The following ZNF521 variants were observed in gnomAD, a reference collection of about 807,000 sequenced individuals.
The protein encoded by ZNF521 is LYST-interacting protein 3.
In ZNF521, 14 loss-of-function variants were observed where a neutral mutation model predicts 105.5. The observed-to-expected ratio is 0.13, with a 90% CI of 0.09 to 0.21. ZNF521 has a LOEUF of 0.21. Ranked by LOEUF, ZNF521 falls within the 10% of genes least tolerant of loss-of-function variation. The probability of loss-of-function intolerance (pLI) is 1.00; values close to 1 mark genes in which losing one functional copy is unlikely to be tolerated. For missense variants in ZNF521, 1,233 were observed against 1,629.7 expected, an observed-to-expected ratio of 0.76 and a Z score of 4.19; for synonymous variants, 635 against 606.0, an observed-to-expected ratio of 1.05 and a Z score of -0.70.
chr18:25,099,348 C>T (rs952792839), intron 5 of ZNF521, among the ~76,000 whole-genome samples: 1 of 152,126 alleles, frequency 6.6e-6, no homozygotes, highest in Non-Finnish European at 1.5e-5. Flanking sequence ...TATAACATAG[C>T]GGACTGGCAA....
In ZNF521 at chr18:25,203,423, T is replaced by C. The variant is rs576814625; in HGVS notation, c.3574-8179A>G. Among the ~76,000 whole-genome samples the C allele has an allele frequency of 2.0e-5, 3 of 152,228 alleles. No individual in the cohort carries two copies. In the East Asian group the frequency reaches 5.8e-4, roughly 29 times the overall value. ...CTTGAATCCAGGAGTTCAAGACTAG[T>C]CTGGGCAAGGTAGCAAGACCCCATC... On this transcript the variant is annotated intron_variant, in intron 4 of 7. Transcript: ENST00000361524.
chr18:25,129,231 C>G (rs971036078), intron 5 of ZNF521, among the ~76,000 whole-genome samples: 1 of 143,392 alleles, frequency 7.0e-6, no homozygotes, highest in South Asian at 2.2e-4. Flanking sequence ...GATGCTAGAA[C>G]TAGACTTTCA....
intron 3 of ZNF521, among the ~76,000 whole-genome samples, chr18:25,249,812 C>G (rs1907987448): frequency 6.6e-6 from 1 of 152,166 alleles, no homozygotes; most frequent in African/African-American, 2.4e-5. Flanking sequence ...GAATTGTACT[C>G]TGCCTAAAAT....
chr18:25,134,570 T>C (rs1020250378), intron 5 of ZNF521, among the ~76,000 whole-genome samples: 1 of 152,156 alleles, frequency 6.6e-6, no homozygotes, highest in Non-Finnish European at 1.5e-5. Flanking sequence ...AGACTGGGGA[T>C]GTGGGAAGCG....
At chr18:25,240,043 C>G (rs143377383) in intron 3 of ZNF521, among the ~76,000 whole-genome samples, 1 of 152,046 alleles carries the variant, frequency 6.6e-6, no homozygotes, top group Non-Finnish European at 1.5e-5. Context: ...AAGCAGTGCA[C>G]TCTATTGTCG....
chr18:25,088,382 A>AT (rs796191980), intron 7 of ZNF521, among the ~76,000 whole-genome samples: 237 of 148,072 alleles, frequency 1.6e-3, no homozygotes, highest in African/African-American at 5.3e-3. Flanking sequence ...TGCCTGGCTA[A>AT]TTTTTTTTTT....
chr18:25,111,103 A>C (rs1013152380), intron 5 of ZNF521, among the ~76,000 whole-genome samples: 1 of 151,848 alleles, frequency 6.6e-6, no homozygotes, highest in Non-Finnish European at 1.5e-5. Flanking sequence ...ACTGCCTGCT[A>C]GTGTTCTATT....
chr18:25,178,167 T>C (rs989561348), intron 5 of ZNF521, among the ~76,000 whole-genome samples: 5 of 152,242 alleles, frequency 3.3e-5, no homozygotes, highest in African/African-American at 1.2e-4. Context: ...GAATGTGCAG[T>C]AACTGCGTTA....
chr18:25,254,320 AAC>A (rs1025333703), intron 3 of ZNF521, among the ~76,000 whole-genome samples: 4 of 151,776 alleles, frequency 2.6e-5, no homozygotes, highest in African/African-American at 9.7e-5. Context: ...TATCTAAGTT[AAC>A]ACATTTCAGT....
chr18:25,129,134 G>T (rs72887758), intron 5 of ZNF521, among the ~76,000 whole-genome samples: 4 of 151,394 alleles, frequency 2.6e-5, no homozygotes, highest in Non-Finnish European at 5.9e-5. Flanking sequence ...AGAGAGCCCC[G>T]AATTGATTCA....
chr18:25,180,577 G>C (rs1314630729), intron 5 of ZNF521, among the ~76,000 whole-genome samples: 1 of 151,434 alleles, frequency 6.6e-6, no homozygotes, highest in Non-Finnish European at 1.5e-5. Context: ...TCTATCATAA[G>C]TGCAGAGAAC....
At chr18:25,171,277 T>C (rs2144559466) in intron 5 of ZNF521, among the ~76,000 whole-genome samples, 1 of 152,258 alleles carries the variant, frequency 6.6e-6, no homozygotes, top group African/African-American at 2.4e-5. Flanking sequence ...TTAAGCTTCT[T>C]TGAATGGATT....
chr18:25,294,969 G>A (rs1452775928), intron 3 of ZNF521, among the ~76,000 whole-genome samples: 9 of 147,038 alleles, frequency 6.1e-5, no homozygotes, highest in Non-Finnish European at 1.0e-4. Context: ...AAAAATTGAC[G>A]AAATATACCT....
chr18:25,178,746 G>T (rs74887850), intron 5 of ZNF521, among the ~76,000 whole-genome samples: 2,952 of 152,252 alleles, frequency 0.019, 97 homozygotes, highest in African/African-American at 0.068. Context: ...CCAAGTATAG[G>T]TTTTATTGCC....
chr18:25,264,006 A>T (rs1208781735), intron 3 of ZNF521, among the ~76,000 whole-genome samples: 1 of 152,210 alleles, frequency 6.6e-6, no homozygotes. Flanking sequence ...AAATTTTGTC[A>T]TGTAACAAAA....
At chr18:25,351,456 G>GCCCC (rs67914033) in intron 1 of ZNF521, 1 of 138,330 alleles carries the variant, frequency 7.2e-6, no homozygotes, top group Non-Finnish European at 1.5e-5. Flanking sequence ...CAACAAATCC[G>GCCCC]CCCCCCCCCC....
intron 3 of ZNF521, among the ~76,000 whole-genome samples, chr18:25,311,481 A>G (rs1276836878): frequency 1.3e-5 from 2 of 152,168 alleles, no homozygotes; most frequent in East Asian, 3.8e-4. Flanking sequence ...TGTGCACACA[A>G]CTGTATCCAA....
At chr18:25,256,374 T>G (rs1908507096) in intron 3 of ZNF521, among the ~76,000 whole-genome samples, 1 of 152,124 alleles carries the variant, frequency 6.6e-6, no homozygotes, top group Non-Finnish European at 1.5e-5. Context: ...AAAAATGATT[T>G]GGATATGTAA....
At chr18:25,074,580 T>C (rs2033314455) in intron 7 of ZNF521, among the ~76,000 whole-genome samples, 1 of 152,196 alleles carries the variant, frequency 6.6e-6, no homozygotes, top group Non-Finnish European at 1.5e-5. Flanking sequence ...CAGGAATGGT[T>C]GGGTGCATTT....
Sources: allele counts gnomAD v4.1 joint callset (sites outside exome capture counted in the v4.1 genomes callset), GRCh38; gene constraint gnomAD v4.1.1; transcripts MANE v1.5; gene names NCBI Gene and HGNC (gene_info 2026-07-23, HGNC 2026-07-21).